PRICKLE1: variants seen among roughly 807,000 people sequenced by gnomAD.
The protein encoded by PRICKLE1 is prickle-like protein 1.
A neutral mutation model predicts 70.2 loss-of-function variants in PRICKLE1; 14 were observed. That is an observed-to-expected ratio of 0.20 (90% CI 0.13 to 0.31). The LOEUF (loss-of-function observed/expected upper bound fraction) is 0.31. PRICKLE1 is among the 10% of genes least tolerant of loss of function. The probability of loss-of-function intolerance (pLI) is 1.00; values close to 1 mark genes in which losing one functional copy is unlikely to be tolerated. For synonymous variants in PRICKLE1, 357 were observed against 379.9 expected (o/e 0.94, Z 0.70); for missense variants, 821 against 1,026.2 (o/e 0.80, Z 2.73).
chr12:42,485,021 G>GT (rs1938950072), intron 1 of PRICKLE1, among the ~76,000 whole-genome samples: 1 of 151,884 alleles, frequency 6.6e-6, no homozygotes, highest in African/African-American at 2.4e-5. Flanking sequence ...AGTTCCTTTG[G>GT]TATCTTTTTT....
At chr12:42,472,326 C>T in intron 2 of PRICKLE1, 59 bp downstream of exon 2, 2 of 1,592,650 alleles carry the variant, frequency 1.3e-6, no homozygotes, top group Admixed American at 1.7e-5. Context: ...AAATAATGTT[C>T]TAAAGTCTGA....
chr12:42,558,849 T>C (rs895375281), intron 1 of PRICKLE1, among the ~76,000 whole-genome samples: 3 of 152,112 alleles, frequency 2.0e-5, no homozygotes, highest in Non-Finnish European at 4.4e-5. Flanking sequence ...AAAGAGCAAG[T>C]ATATGGAATT....
chr12:42,498,792 T>C (rs988298853), intron 1 of PRICKLE1, among the ~76,000 whole-genome samples: 5 of 152,172 alleles, frequency 3.3e-5, no homozygotes, highest in African/African-American at 4.8e-5. Context: ...TTTCCACCCA[T>C]ATGTTTCATT....
At chr12:42,558,832 A>G (rs1176855550) in intron 1 of PRICKLE1, among the ~76,000 whole-genome samples, 2 of 152,228 alleles carry the variant, frequency 1.3e-5, no homozygotes, top group Non-Finnish European at 2.9e-5. Context: ...AGTAAATGAC[A>G]CTGTTCAAAG....
intron 1 of PRICKLE1, among the ~76,000 whole-genome samples, chr12:42,519,096 A>T (rs987582196): frequency 1.3e-5 from 2 of 152,106 alleles, no homozygotes; most frequent in African/African-American, 2.4e-5. Flanking sequence ...AATGCTGAAA[A>T]ATGTGTTCAA....
At chr12:42,516,576 T>G (rs1025726197) in intron 1 of PRICKLE1, among the ~76,000 whole-genome samples, 1 of 152,182 alleles carries the variant, frequency 6.6e-6, no homozygotes, top group Non-Finnish European at 1.5e-5. Context: ...CCTTTGTATC[T>G]GTTTTAACTG....
intron 1 of PRICKLE1, among the ~76,000 whole-genome samples, chr12:42,543,242 TAAG>T (rs1940147806): frequency 6.6e-6 from 1 of 152,210 alleles, no homozygotes; most frequent in Non-Finnish European, 1.5e-5. Flanking sequence ...TAAGGCTTGC[TAAG>T]ATTCAGGCTA....
chr12:42,509,239 C>T (rs1355873615), intron 1 of PRICKLE1, among the ~76,000 whole-genome samples: 3 of 152,186 alleles, frequency 2.0e-5, no homozygotes, highest in Admixed American at 6.5e-5. Flanking sequence ...TTCTCGATCT[C>T]ATCTGTAGTT....
At chr12:42,561,453 T>C (rs1940511644) in intron 1 of PRICKLE1, among the ~76,000 whole-genome samples, 2 of 152,234 alleles carry the variant, frequency 1.3e-5, no homozygotes, top group Admixed American at 1.3e-4. Flanking sequence ...GTAACAGTTA[T>C]AGAATTGCTT....
chr12:42,475,293 A>G (rs1450297684), intron 1 of PRICKLE1, among the ~76,000 whole-genome samples: 2 of 152,212 alleles, frequency 1.3e-5, no homozygotes, highest in Non-Finnish European at 2.9e-5. Flanking sequence ...TTTTTAGCAG[A>G]TGGCTAACTT....
chr12:42,563,181 T>A (rs575084689), intron 1 of PRICKLE1, among the ~76,000 whole-genome samples: 6 of 150,896 alleles, frequency 4.0e-5, no homozygotes, highest in Non-Finnish European at 8.8e-5. Context: ...AGACTCTGTC[T>A]CAAAAAAAAA....
intron 1 of PRICKLE1, chr12:42,483,921 T>C (rs1938908674): frequency 7.4e-6 from 1 of 135,822 alleles, no homozygotes; most frequent in African/African-American, 2.8e-5. Context: ...CCTTCCAGGA[T>C]CCTCCTCTGC....
chr12:42,554,180 T>C (rs1940374209), intron 1 of PRICKLE1, among the ~76,000 whole-genome samples: 1 of 152,168 alleles, frequency 6.6e-6, no homozygotes, highest in Non-Finnish European at 1.5e-5. Context: ...CAAGCTGTGG[T>C]GACATTAAAT....
At chr12:42,468,419 T>G (rs1938185300) in intron 5 of PRICKLE1, among the ~76,000 whole-genome samples, 1 of 152,132 alleles carries the variant, frequency 6.6e-6, no homozygotes, top group African/African-American at 2.4e-5. Flanking sequence ...TTAATTGCGG[T>G]TTTGACCATT....
chr12:42,575,218 G>T lies in PRICKLE1; in HGVS notation c.-49+14247C>A, dbSNP rs74868412. Reference sequence around the variant, plus strand: ...TGTAAACACCTGGTAGGTTGGCCAGGTAAATGCCATATTTATGAAGGAACA... The same window carrying T: ...TGTAAACACCTGGTAGGTTGGCCAGTTAAATGCCATATTTATGAAGGAACA... On this transcript the variant is annotated intron_variant, in intron 1 of 7. Coordinates refer to ENST00000345127, the MANE Select transcript of PRICKLE1 (RefSeq NM_153026.3). Among the ~76,000 whole-genome samples the T allele has an allele frequency of 4.1e-3, 626 of 152,094 alleles. 9 individuals are homozygous for T. In the South Asian group the frequency reaches 0.044, roughly 11 times the overall value.
chr12:42,554,203 T>A (rs886481062), intron 1 of PRICKLE1, among the ~76,000 whole-genome samples: 1 of 152,204 alleles, frequency 6.6e-6, no homozygotes, highest in African/African-American at 2.4e-5. Flanking sequence ...GCTGATACTA[T>A]ACAGGGTCTT....
At chr12:42,472,699 C>T (rs1197202355) in intron 1 of PRICKLE1, 135 bp from the exon 2 acceptor site, 1 of 716,434 alleles carries the variant, frequency 1.4e-6, no homozygotes, top group East Asian at 2.8e-5. Flanking sequence ...CTACTGTCAC[C>T]ACCCCCAGGC....
intron 1 of PRICKLE1, among the ~76,000 whole-genome samples, chr12:42,482,005 T>C (rs1938810093): frequency 6.6e-6 from 1 of 152,244 alleles, no homozygotes; most frequent in Admixed American, 6.5e-5. Context: ...CTTTACTAAG[T>C]TTTCCATACG....
chr12:42,493,392 AG>A (rs1287011987), intron 1 of PRICKLE1, among the ~76,000 whole-genome samples: 1 of 152,190 alleles, frequency 6.6e-6, no homozygotes, highest in African/African-American at 2.4e-5. Flanking sequence ...TTTATTGTTT[AG>A]GTCATTTGCT....
Sources: allele counts gnomAD v4.1 joint callset (sites outside exome capture counted in the v4.1 genomes callset), GRCh38; gene constraint gnomAD v4.1.1; transcripts MANE v1.5; gene names NCBI Gene and HGNC (gene_info 2026-07-23, HGNC 2026-07-21).